The following CENPP variants were observed in gnomAD, a reference collection of about 807,000 sequenced individuals.
CENPP encodes the protein centromere protein P.
In CENPP, 24 loss-of-function variants were observed where a neutral mutation model predicts 35.6. That is an observed-to-expected ratio of 0.67 (90% CI 0.49 to 0.95). CENPP has a LOEUF of 0.95. Ranked by LOEUF, CENPP falls within the 40% of genes least tolerant of loss-of-function variation. CENPP has a pLI of 0.00. For missense variants in CENPP, 332 were observed against 345.3 expected (o/e 0.96, Z 0.31); for synonymous variants, 120 against 125.5 (o/e 0.96, Z 0.29).
At chr9:92,457,217 T>C (rs1239838010) in intron 5 of CENPP, 21 of 1,550,790 alleles carry the variant, frequency 1.4e-5, no homozygotes, top group Non-Finnish European at 1.8e-5. Context: ...CCATTATTAA[T>C]AGAGTTCAAG....
Position 92,501,091 on chromosome 9 carries a change from A to G in CENPP, c.565-110223A>G, listed in dbSNP as rs1010689. The G allele has an allele frequency of 2.2e-4, 353 of 1,583,968 alleles. 5 individuals carry two copies. The South Asian group carries it at 3.9e-3, about 17-fold the overall frequency. ...AAAAAGTAAACAGGGTAGGGACATC[A>G]GGATGGTGATCATCAGCTCTAAATT... On this transcript the variant is annotated intron_variant, in intron 5 of 7. Coordinates refer to ENST00000375587, the MANE Select transcript of CENPP (RefSeq NM_001012267.3).
At chr9:92,573,168 G>A (rs1449556682) in intron 5 of CENPP, among the ~76,000 whole-genome samples, 3 of 152,226 alleles carry the variant, frequency 2.0e-5, no homozygotes, top group Admixed American at 6.5e-5. Flanking sequence ...TGGAGGAGAA[G>A]AGGCGTTCTG....
Position 92,617,288 on chromosome 9 carries a change from C to T in CENPP, c.*4139C>T, listed in dbSNP as rs1851470291. ...TGCACCTGGGCTGGAACAGTCACAT[C>T]CCCAGCCCATGACTAGGGTTACGTA... On this transcript the variant is annotated 3_prime_UTR_variant, in exon 8 of 8. Transcript: ENST00000375587. 1 of 152,200 alleles carries T rather than the reference C, an allele frequency of 6.6e-6. No homozygotes were observed. Among genetic ancestry groups the T allele is most frequent in the African/African-American group, 2.4e-5 (1 of 41,412 alleles). 9.4% of individuals were successfully genotyped at this position (152,200 alleles called of 1,614,324 possible).
intron 5 of CENPP, among the ~76,000 whole-genome samples, chr9:92,437,009 G>A (rs1844261169): frequency 6.6e-6 from 1 of 152,094 alleles, no homozygotes; most frequent in African/African-American, 2.4e-5. Flanking sequence ...AGACCAGCCT[G>A]GCCAACATGA....
At chr9:92,409,018 A>T (rs118146808) in intron 5 of CENPP, among the ~76,000 whole-genome samples, 5,382 of 152,302 alleles carry the variant, frequency 0.035, 134 homozygotes, top group Middle Eastern at 0.075. Context: ...ATTTATATGG[A>T]GAGAATTATG....
intron 4 of CENPP, among the ~76,000 whole-genome samples, chr9:92,369,451 G>T (rs1462221682): frequency 6.6e-6 from 1 of 152,184 alleles, no homozygotes; most frequent in Non-Finnish European, 1.5e-5. Flanking sequence ...TAAAGGAGGT[G>T]GTTGGAGGTG....
At chr9:92,342,188 A>G (rs886506625) in intron 3 of CENPP, among the ~76,000 whole-genome samples, 20 of 152,278 alleles carry the variant, frequency 1.3e-4, no homozygotes, top group Non-Finnish European at 2.4e-4. Context: ...GAAGTTGTAC[A>G]TTCATCATTT....
At chr9:92,331,991 C>T (rs1303578336) in intron 1 of CENPP, among the ~76,000 whole-genome samples, 179 bp from the exon 2 acceptor site, 1 of 152,028 alleles carries the variant, frequency 6.6e-6, no homozygotes, top group East Asian at 1.9e-4. Flanking sequence ...TGTTAGTAAC[C>T]ACACTGGTTT....
Position 92,500,735 on chromosome 9 carries a change from G to C in CENPP, c.565-110579G>C, listed in dbSNP as rs775779497. 3.7e-6 allele frequency: 6 copies of C among 1,608,710 alleles called. No individual in the cohort carries two copies. The South Asian group carries it at 6.6e-5, about 18-fold the overall frequency. On this transcript the variant is annotated intron_variant, in intron 5 of 7. Transcript: ENST00000375587. ...AAAAAGCCAAAATTTACCGTATCTT[G>C]TTGTTGTTCAGCCTCAGAAAATGTA...
chr9:92,570,994 A>G (rs1270661371), intron 5 of CENPP, among the ~76,000 whole-genome samples: 6 of 151,690 alleles, frequency 4.0e-5, no homozygotes, highest in Admixed American at 6.6e-5. Flanking sequence ...TCTTGCTAGC[A>G]GTCTATCAAT....
At chr9:92,434,865 G>A (rs559741080) in intron 5 of CENPP, among the ~76,000 whole-genome samples, 9 of 152,088 alleles carry the variant, frequency 5.9e-5, no homozygotes, top group East Asian at 3.9e-4. Flanking sequence ...CAGCCGGGCC[G>A]ACATGGCGAA....
chr9:92,555,803 A>T (rs892909565), intron 5 of CENPP, among the ~76,000 whole-genome samples: 2 of 152,038 alleles, frequency 1.3e-5, no homozygotes. Context: ...AATCTTGCTA[A>T]TGGTCTATCA....
At chr9:92,349,484 A>G (rs1841389623) in intron 4 of CENPP, among the ~76,000 whole-genome samples, 1 of 151,446 alleles carries the variant, frequency 6.6e-6, no homozygotes, top group South Asian at 2.1e-4. Flanking sequence ...GCTCGCTGCA[A>G]CCTCTGACTC....
At chr9:92,492,553 G>A (rs774809688) in intron 5 of CENPP, among the ~76,000 whole-genome samples, 5 of 152,192 alleles carry the variant, frequency 3.3e-5, no homozygotes, top group African/African-American at 1.2e-4. Flanking sequence ...TGTACGTGGA[G>A]CCATTTGATG....
chr9:92,511,120 CTT>C (rs1033253317), intron 5 of CENPP, among the ~76,000 whole-genome samples: 3 of 152,016 alleles, frequency 2.0e-5, no homozygotes, highest in Non-Finnish European at 4.4e-5. Flanking sequence ...TGAATTCTCT[CTT>C]CTTTTCTCCT....
intron 5 of CENPP, among the ~76,000 whole-genome samples, chr9:92,518,898 A>G (rs1847893106): frequency 6.6e-6 from 1 of 152,192 alleles, no homozygotes. Flanking sequence ...AAATAAATAA[A>G]TAAACAAATA....
At chr9:92,588,884 T>G (rs1307082736) in intron 5 of CENPP, among the ~76,000 whole-genome samples, 3 of 152,174 alleles carry the variant, frequency 2.0e-5, no homozygotes, top group African/African-American at 7.2e-5. Context: ...CAAGAGTTAG[T>G]AAATCCCTAG....
At chr9:92,397,868 C>T (rs1011119591) in intron 5 of CENPP, among the ~76,000 whole-genome samples, 1 of 152,148 alleles carries the variant, frequency 6.6e-6, no homozygotes, top group Admixed American at 6.5e-5. Flanking sequence ...TATACATACA[C>T]ACACATAGAG....
chr9:92,517,486 C>T, intron 5 of CENPP: 1 of 683,542 alleles, frequency 1.5e-6, no homozygotes, highest in Non-Finnish European at 2.4e-6. Flanking sequence ...AGAGCTAGAA[C>T]TATAAAGCCA....
Sources: gnomAD v4.1 joint callset for allele counts (sites outside exome capture counted in the v4.1 genomes callset) on GRCh38, gnomAD v4.1.1 for gene constraint, MANE v1.5 for transcripts, NCBI Gene and HGNC (gene_info 2026-07-23, HGNC 2026-07-21) for gene names.